Variants in TRPM1 observed in about 807,000 individuals in gnomAD.
TRPM1 encodes TRPM1-203 APA Isoform, Intron 10.
In TRPM1, 113 loss-of-function variants were observed where a neutral mutation model predicts 149.4. The observed-to-expected ratio is 0.76, with a 90% CI of 0.65 to 0.88. TRPM1 has a LOEUF of 0.88. TRPM1 is among the 40% of genes least tolerant of loss of function. The probability of loss-of-function intolerance (pLI) is 0.00; values close to 1 mark genes in which losing one functional copy is unlikely to be tolerated. For missense variants in TRPM1, 1,976 were observed against 2,038.7 expected, an observed-to-expected ratio of 0.97 and a Z score of 0.59; for synonymous variants, 741 against 759.5, an observed-to-expected ratio of 0.98 and a Z score of 0.40.
Position 31,026,133 on chromosome 15 carries a change from A to G in TRPM1, c.3629+6T>C. The G allele has an allele frequency of 6.2e-7, 1 of 1,610,930 alleles. No individual in the cohort carries two copies. The highest frequency in any genetic ancestry group is 1.1e-5 in the South Asian group (1 of 91,058). On this transcript the variant is annotated splice_donor_region_variant and intron_variant, in intron 27 of 27. Transcript: ENST00000256552. ...CACGGGCCCGCGGTGGGGACGCTAC[A>G]CGTACCTTTCAGAAGTGACCCGGAT...
In TRPM1 at chr15:31,002,231, G is replaced by A. The variant is rs753584603; in HGVS notation, c.4469C>T (p.Thr1490Met). 63 of 1,614,074 alleles carry A rather than the reference G, an allele frequency of 3.9e-5. No individual in the cohort carries two copies. The highest frequency in any genetic ancestry group is 4.7e-5 in the Non-Finnish European group (55 of 1,180,032). The change falls in exon 28 of 28, where the codon ACG becomes ATG. Residue 1490 changes from threonine (T) to methionine (M), a missense_variant. Thr to Met is a moderately conservative substitution (Grantham distance 81). Around this residue, in one of 3 missense-constraint regions of TRPM1, gnomAD observed 572 missense variants for 578.9 expected, o/e 0.99. Transcript: ENST00000256552. The part of the protein sequence containing the change: ...YSSITDQQLT[T>M]EWQCQVQKIT... Reference sequence around the variant, plus strand: ...CTTTTGAACTTGGCATTGCCATTCCGTCGTCAATTGCTGGTCCGTGATTGA... The same window carrying A: ...CTTTTGAACTTGGCATTGCCATTCCATCGTCAATTGCTGGTCCGTGATTGA...
At chr15:31,076,104 T>A (rs2034680620) in intron 3 of TRPM1, among the ~76,000 whole-genome samples, 1 of 147,854 alleles carries the variant, frequency 6.8e-6, no homozygotes, top group South Asian at 2.2e-4. Context: ...GTTGGCATTG[T>A]TTCATAATGG....
At chr15:31,104,513 G>T (rs903543068), upstream of TRPM1, among the ~76,000 whole-genome samples, 2 of 151,240 alleles carry the variant, frequency 1.3e-5, no homozygotes, top group African/African-American at 4.9e-5. Flanking sequence ...CATCTCTTTT[G>T]CAATGCCGGC....
intron 27 of TRPM1, among the ~76,000 whole-genome samples, chr15:31,003,392 G>C (rs76312270): frequency 6.6e-6 from 1 of 152,158 alleles, no homozygotes; most frequent in South Asian, 2.1e-4. Context: ...TTGGAAGTAG[G>C]TCTATTATTA....
At chr15:31,148,876 G>T (rs1218146636) in intron 1 of TRPM1, among the ~76,000 whole-genome samples, 1 of 152,150 alleles carries the variant, frequency 6.6e-6, no homozygotes, top group African/African-American at 2.4e-5. Context: ...GGTTCCCTAG[G>T]CATGCTGGGA....
chr15:31,112,964 T>TG (rs1253322579), intron 1 of TRPM1, among the ~76,000 whole-genome samples: 1 of 152,192 alleles, frequency 6.6e-6, no homozygotes, highest in Non-Finnish European at 1.5e-5. Context: ...ACAGAGGACT[T>TG]GGGAAAAACT....
At chr15:31,129,768 G>T (rs1234172890) in intron 1 of TRPM1, among the ~76,000 whole-genome samples, 6 of 152,180 alleles carry the variant, frequency 3.9e-5, no homozygotes. Context: ...CCCGTGTGTG[G>T]TTCCCTCCTT....
intron 27 of TRPM1, among the ~76,000 whole-genome samples, chr15:31,022,792 G>A (rs1429523603): frequency 6.6e-6 from 1 of 152,032 alleles, no homozygotes; most frequent in African/African-American, 2.4e-5. Flanking sequence ...GCTGAGGCAG[G>A]ATTGCTGAGG....
At chr15:31,088,974 C>G (rs1201205636) in intron 1 of TRPM1, among the ~76,000 whole-genome samples, 2 of 152,168 alleles carry the variant, frequency 1.3e-5, no homozygotes, top group Non-Finnish European at 2.9e-5. Flanking sequence ...GCTCCCAGCA[C>G]TTTCTTGGCT....
At chr15:31,113,496 C>T (rs1460211909) in intron 1 of TRPM1, among the ~76,000 whole-genome samples, 2 of 151,842 alleles carry the variant, frequency 1.3e-5, no homozygotes, top group African/African-American at 4.8e-5. Context: ...ATCTTAAAGA[C>T]AGTGACTGAG....
At chr15:31,132,367 C>T (rs746896377) in intron 1 of TRPM1, among the ~76,000 whole-genome samples, 1 of 152,238 alleles carries the variant, frequency 6.6e-6, no homozygotes, top group Non-Finnish European at 1.5e-5. Context: ...GCCCCAGCTG[C>T]AGTCCACACA....
chr15:31,057,659 C>T (rs911824126), intron 11 of TRPM1, among the ~76,000 whole-genome samples: 8 of 151,812 alleles, frequency 5.3e-5, no homozygotes, highest in African/African-American at 1.9e-4. Context: ...CCTAGCTCCC[C>T]ACAGGGTAGC....
chr15:31,081,899 C>G (rs1034197482), intron 1 of TRPM1, among the ~76,000 whole-genome samples: 2 of 152,180 alleles, frequency 1.3e-5, no homozygotes, highest in Non-Finnish European at 2.9e-5. Flanking sequence ...TGGGGAGGAG[C>G]TTGGTCTCCT....
intron 27 of TRPM1, among the ~76,000 whole-genome samples, chr15:31,021,703 A>T (rs757754539): frequency 1.4e-3 from 163 of 116,474 alleles, no homozygotes; most frequent in Non-Finnish European, 1.8e-3. Flanking sequence ...CTCTAGAATT[A>T]AAAAAAAAAA....
chr15:31,150,906 G>A (rs571129280), intron 1 of TRPM1, among the ~76,000 whole-genome samples: 2 of 152,122 alleles, frequency 1.3e-5, no homozygotes, highest in Non-Finnish European at 2.9e-5. Flanking sequence ...GCAGTAAGGG[G>A]AACAAAGCAA....
chr15:31,047,086 A>C (rs748668442), intron 15 of TRPM1, 25 bp downstream of exon 15: 3 of 1,613,306 alleles, frequency 1.9e-6, no homozygotes, highest in Non-Finnish European at 2.5e-6. Flanking sequence ...GAACCACAGA[A>C]CACTACACAG....
chr15:31,147,909 C>T (rs544078468), intron 1 of TRPM1, among the ~76,000 whole-genome samples: 2 of 152,274 alleles, frequency 1.3e-5, no homozygotes, highest in Non-Finnish European at 2.9e-5. Context: ...ATGGTGGCTT[C>T]GGTTTACGGC....
intron 1 of TRPM1, among the ~76,000 whole-genome samples, chr15:31,153,707 CT>C (rs1387296543): frequency 6.6e-6 from 1 of 152,300 alleles, no homozygotes; most frequent in African/African-American, 2.4e-5. Context: ...GAAGCCTCCC[CT>C]CCCCGCCCTT....
chr15:31,006,184 T>C (rs1456239192), intron 27 of TRPM1, among the ~76,000 whole-genome samples: 1 of 152,142 alleles, frequency 6.6e-6, no homozygotes, highest in African/African-American at 2.4e-5. Flanking sequence ...TCTTTTCTTT[T>C]CTTTTTTTTT....
Sources: gnomAD v4.1 joint callset for allele counts (sites outside exome capture counted in the v4.1 genomes callset) on GRCh38, gnomAD v4.1.1 for gene constraint, gnomAD v4.1.1 regional missense constraint, MANE v1.5 for transcripts, NCBI Gene and HGNC (gene_info 2026-07-23, HGNC 2026-07-21) for gene names.